Variants in RALGAPB observed in about 807,000 individuals in gnomAD.
RALGAPB encodes the protein ral GTPase-activating protein subunit beta.
RALGAPB carries 25 observed loss-of-function variants against 161.1 expected under a neutral mutation model. The observed-to-expected ratio is 0.16, with a 90% CI of 0.11 to 0.22. RALGAPB has a LOEUF of 0.22. Among genes scored for constraint, RALGAPB ranks in the 10% least tolerant of loss-of-function variants. The probability of loss-of-function intolerance (pLI) is 1.00; values close to 1 mark genes in which losing one functional copy is unlikely to be tolerated. For synonymous variants in RALGAPB, 629 were observed against 626.1 expected (o/e 1.00, Z -0.07); for missense variants, 1,391 against 1,815.2 (o/e 0.77, Z 4.25).
At chr20:38,519,519 C>A (rs1004965780) in intron 9 of RALGAPB, among the ~76,000 whole-genome samples, 3 of 152,098 alleles carry the variant, frequency 2.0e-5, no homozygotes, top group African/African-American at 7.2e-5. Context: ...TTAAAGGGAA[C>A]TTATAGATCT....
intron 2 of RALGAPB, 120 bp from the exon 3 acceptor site, chr20:38,492,810 G>A (rs556924558): frequency 3.1e-5 from 23 of 735,766 alleles, no homozygotes; most frequent in African/African-American, 5.3e-5. Context: ...TGATATTTAC[G>A]TTGAGACGAA....
chr20:38,497,010 T>G (rs2085445987), intron 3 of RALGAPB, among the ~76,000 whole-genome samples: 1 of 152,186 alleles, frequency 6.6e-6, no homozygotes, highest in African/African-American at 2.4e-5. Context: ...CGGTGGGTAT[T>G]TACTTGTTCA....
chr20:38,503,803 C>T (rs186355392), intron 5 of RALGAPB, among the ~76,000 whole-genome samples: 96 of 152,246 alleles, frequency 6.3e-4, no homozygotes, highest in African/African-American at 2.1e-3. Context: ...CCATGTGGCA[C>T]ACCTCATTGT....
intron 2 of RALGAPB, among the ~76,000 whole-genome samples, chr20:38,490,854 A>G (rs990353338): frequency 8.5e-5 from 13 of 152,162 alleles, no homozygotes; most frequent in African/African-American, 2.9e-4. Context: ...CATGTTGGCC[A>G]GGCTGGTCTC....
At chr20:38,508,973 T>C in intron 5 of RALGAPB, 104 bp from the exon 6 acceptor site, 1 of 1,254,270 alleles carries the variant, frequency 8.0e-7, no homozygotes, top group South Asian at 1.4e-5. Context: ...TTCACGTATG[T>C]GAGGTACACA....
In RALGAPB at chr20:38,574,149, G is replaced by T; in HGVS notation, c.4143-1G>T. On this transcript the variant is annotated splice_acceptor_variant, in intron 28 of 29. Coordinates refer to ENST00000262879, the MANE Select transcript of RALGAPB (RefSeq NM_020336.4). LOFTEE classifies it high-confidence loss of function. ...TGAGATAACAATTTTCTTTTCTTAAGATCTACAACTCTTGAAAAAGAAGTT... is the reference window on the plus strand; with the variant it reads ...TGAGATAACAATTTTCTTTTCTTAATATCTACAACTCTTGAAAAAGAAGTT... 1 of 1,601,590 alleles carries T rather than the reference G, an allele frequency of 6.2e-7. No homozygotes were observed. Among genetic ancestry groups the T allele is most frequent in the South Asian group, 1.1e-5 (1 of 88,734 alleles).
rs1361892927 is a variant in RALGAPB at position 38,517,914 on chromosome 20, T to C, written c.1331T>C (p.Leu444Ser). Residue 444 changes from leucine (L) to serine (S), a missense_variant, in exon 9 of 30, where the codon TTG becomes TCG. Leu to Ser is a moderately radical substitution (Grantham distance 145). Around this residue, in one of 3 missense-constraint regions of RALGAPB, gnomAD observed 946 missense variants for 1,257.2 expected, o/e 0.75. Coordinates refer to ENST00000262879, the MANE Select transcript of RALGAPB (RefSeq NM_020336.4). ...APRRPKVNSI[L>S]NLFGSWLFDA... ...CGGAGACCAAAGGTTAACAGCATCT[T>C]GAATCTCTTTGGATCATGGTTATTT... 1 of 1,614,072 alleles carries C rather than the reference T, an allele frequency of 6.2e-7. No individual in the cohort carries two copies. Among genetic ancestry groups the C allele is most frequent in the Non-Finnish European group, 8.5e-7 (1 of 1,179,922 alleles).
chr20:38,569,513 A>G (rs77449860), intron 26 of RALGAPB: 1 of 165,448 alleles, frequency 6.0e-6, no homozygotes, highest in East Asian at 1.7e-4. Flanking sequence ...TAGGATCCCC[A>G]GACAAGTAGT....
chr20:38,521,460 T>G, intron 9 of RALGAPB, 37 bp from the exon 10 acceptor site: 1 of 1,612,252 alleles, frequency 6.2e-7, no homozygotes, highest in Non-Finnish European at 8.5e-7. Flanking sequence ...ACGTGGCATA[T>G]TGCAAATATA....
At chr20:38,515,815 T>A (rs532535741) in intron 6 of RALGAPB, among the ~76,000 whole-genome samples, 65 of 152,198 alleles carry the variant, frequency 4.3e-4, no homozygotes, top group Non-Finnish European at 8.2e-4. Flanking sequence ...CACTGCAGCC[T>A]CGGCCTTGAA....
At position 38,524,875 on chromosome 20, in the gene RALGAPB, T is replaced by C; in HGVS notation, c.1717T>C (p.Cys573Arg). The change falls in exon 11 of 30, where the codon TGT becomes CGT. Residue 573 changes from cysteine to arginine, a missense_variant. Cys to Arg is a radical substitution (Grantham distance 180). Around this residue, in one of 3 missense-constraint regions of RALGAPB, gnomAD observed 946 missense variants for 1,257.2 expected, o/e 0.75. Transcript: ENST00000262879. ...VILNSPPLFC[C>R]DLKGIDVVVP... Reference sequence around the variant, plus strand: ...TCTAAACTCTCCTCCTTTGTTCTGCTGTGACTTGAAAGGGATTGATGTTGT... The same window carrying C: ...TCTAAACTCTCCTCCTTTGTTCTGCCGTGACTTGAAAGGGATTGATGTTGT... The C allele has an allele frequency of 1.9e-6, 3 of 1,610,164 alleles. No individual in the cohort carries two copies. The East Asian group carries it at 6.7e-5, about 36-fold the overall frequency.
At chr20:38,517,156 C>T (rs1477147944) in intron 7 of RALGAPB, among the ~76,000 whole-genome samples, 1 of 152,174 alleles carries the variant, frequency 6.6e-6, no homozygotes, top group Non-Finnish European at 1.5e-5. Context: ...TCCAAACATC[C>T]TGTCCAGGAA....
chr20:38,560,597 G>A (rs1363558356), intron 23 of RALGAPB, among the ~76,000 whole-genome samples: 1 of 152,146 alleles, frequency 6.6e-6, no homozygotes, highest in Non-Finnish European at 1.5e-5. Context: ...TTATGGAGGT[G>A]GGGATCTGTT....
intron 20 of RALGAPB, among the ~76,000 whole-genome samples, chr20:38,550,797 T>A (rs2087348410): frequency 6.6e-6 from 1 of 152,192 alleles, no homozygotes; most frequent in Non-Finnish European, 1.5e-5. Flanking sequence ...CCACTGAATG[T>A]GGGAGATTCA....
At chr20:38,474,815 C>T (rs911174037) in intron 1 of RALGAPB, among the ~76,000 whole-genome samples, 2 of 152,230 alleles carry the variant, frequency 1.3e-5, no homozygotes, top group Non-Finnish European at 2.9e-5. Flanking sequence ...AGTGCTTTGA[C>T]ATACAGACTC....
chr20:38,566,804 G>A (rs1006490443), intron 25 of RALGAPB, among the ~76,000 whole-genome samples: 2 of 152,216 alleles, frequency 1.3e-5, no homozygotes, highest in Non-Finnish European at 2.9e-5. Flanking sequence ...CTTTAGAGCA[G>A]GAGCTGGCAA....
At chr20:38,522,516 T>A (rs2086321418) in intron 10 of RALGAPB, among the ~76,000 whole-genome samples, 1 of 152,200 alleles carries the variant, frequency 6.6e-6, no homozygotes, top group Non-Finnish European at 1.5e-5. Context: ...AATTAACTCA[T>A]AATGGCCTCC....
Position 38,525,391 on chromosome 20 carries a change from T to C in RALGAPB, c.1788-13T>C. On this transcript the variant is annotated splice_polypyrimidine_tract_variant and intron_variant, in intron 11 of 29. Transcript: ENST00000262879. ...TAGTTCAAAAATACTAATAGCTTTT[T>C]ATTTTTTGGCAGAGAACTCTCAAAA... The C allele has an allele frequency of 6.5e-7, 1 of 1,549,724 alleles. No individual in the cohort carries two copies. The highest frequency in any genetic ancestry group is 8.8e-7 in the Non-Finnish European group (1 of 1,135,912).
intron 2 of RALGAPB, among the ~76,000 whole-genome samples, chr20:38,489,486 G>GTTAA (rs1404260847): frequency 6.6e-6 from 1 of 152,212 alleles, no homozygotes; most frequent in Admixed American, 6.5e-5. Context: ...CCAGGCTGAA[G>GTTAA]TTAAAAAGTT....
Sources: gnomAD v4.1 joint callset for allele counts (sites outside exome capture counted in the v4.1 genomes callset) on GRCh38, gnomAD v4.1.1 for gene constraint, gnomAD v4.1.1 regional missense constraint, MANE v1.5 for transcripts, NCBI Gene and HGNC (gene_info 2026-07-23, HGNC 2026-07-21) for gene names.